Variants in RNF180 observed in about 807,000 individuals in gnomAD.
The protein encoded by RNF180 is E3 ubiquitin-protein ligase RNF180.
A neutral mutation model predicts 59.2 loss-of-function variants in RNF180; 38 were observed. That is an observed-to-expected ratio of 0.64 (90% confidence interval 0.50 to 0.84). RNF180 has a LOEUF of 0.84. Ranked by LOEUF, RNF180 falls within the 40% of genes least tolerant of loss-of-function variation. RNF180 has a pLI of 0.00. For missense variants in RNF180, 705 were observed against 700.9 expected, an observed-to-expected ratio of 1.01 and a Z score of -0.07; for synonymous variants, 262 against 240.3, an observed-to-expected ratio of 1.09 and a Z score of -0.84.
chr5:64,235,086 T>C (rs958885715), intron 5 of RNF180, among the ~76,000 whole-genome samples: 7 of 152,198 alleles, frequency 4.6e-5, no homozygotes, highest in African/African-American at 1.7e-4. Context: ...AGACCAGCCC[T>C]GGCCATGTAC....
chr5:64,256,767 C>T (rs1474542046), intron 5 of RNF180, among the ~76,000 whole-genome samples: 4 of 152,144 alleles, frequency 2.6e-5, no homozygotes, highest in Non-Finnish European at 4.4e-5. Context: ...ATGGGGATGA[C>T]ATTGAATCTA....
chr5:64,265,847 T>C (rs532781297), intron 5 of RNF180, among the ~76,000 whole-genome samples: 3 of 152,298 alleles, frequency 2.0e-5, no homozygotes, highest in African/African-American at 7.2e-5. Context: ...ATTCTTTCTA[T>C]CCATGAGGAT....
intron 5 of RNF180, among the ~76,000 whole-genome samples, chr5:64,302,351 A>T (rs569498397): frequency 1.3e-5 from 2 of 151,614 alleles, no homozygotes; most frequent in Admixed American, 1.3e-4. Context: ...TTTAGTTCGG[A>T]TTCTGTTCTC....
At chr5:64,281,234 A>ACAGTTT (rs1741994246) in intron 5 of RNF180, among the ~76,000 whole-genome samples, 1 of 152,178 alleles carries the variant, frequency 6.6e-6, no homozygotes, top group Non-Finnish European at 1.5e-5. Flanking sequence ...TGTATATAAA[A>ACAGTTT]TCATATCATC....
At chr5:64,175,037 G>C (rs536962049) in intron 1 of RNF180, among the ~76,000 whole-genome samples, 1 of 136,242 alleles carries the variant, frequency 7.3e-6, no homozygotes, top group East Asian at 2.2e-4. Context: ...GTGCAATCTC[G>C]GCTCACTGCA....
chr5:64,225,799 G>C (rs1365634109), intron 5 of RNF180, among the ~76,000 whole-genome samples: 2 of 142,682 alleles, frequency 1.4e-5, no homozygotes, highest in African/African-American at 5.3e-5. Context: ...CTTTGGCTGG[G>C]AGGTGAGGAG....
Position 64,280,576 on chromosome 5 carries a change from G to T in RNF180, c.1228-44610G>T, listed in dbSNP as rs549889987. On this transcript the variant is annotated intron_variant, in intron 5 of 7. Coordinates refer to ENST00000389100, the MANE Select transcript of RNF180 (RefSeq NM_001113561.2). ...TTGAATAGGGAGTCTTTTCCTCATTGTTTTTTTTTTGTCGACTTTGTTGAA... is the reference window on the plus strand; with the variant it reads ...TTGAATAGGGAGTCTTTTCCTCATTTTTTTTTTTTTGTCGACTTTGTTGAA... Among the ~76,000 whole-genome samples the T allele has an allele frequency of 1.7e-4, 25 of 147,118 alleles. No homozygotes were observed. In the South Asian group the frequency reaches 4.7e-3, roughly 28 times the overall value.
At chr5:64,247,139 A>C (rs1051081316) in intron 5 of RNF180, among the ~76,000 whole-genome samples, 8 of 152,306 alleles carry the variant, frequency 5.3e-5, no homozygotes, top group African/African-American at 1.9e-4. Flanking sequence ...ATTTATGACA[A>C]ACCCACAGCC....
chr5:64,264,139 T>C (rs556272244), intron 5 of RNF180, among the ~76,000 whole-genome samples: 10 of 152,266 alleles, frequency 6.6e-5, no homozygotes, highest in Admixed American at 3.3e-4. Context: ...TCTCCTCTCT[T>C]TTCCCTTATT....
chr5:64,180,405 G>A (rs1323622716), intron 1 of RNF180, among the ~76,000 whole-genome samples: 2 of 152,106 alleles, frequency 1.3e-5, no homozygotes, highest in African/African-American at 4.8e-5. Context: ...TAAAATTTGT[G>A]TAAAATTATG....
intron 5 of RNF180, among the ~76,000 whole-genome samples, chr5:64,226,835 TAAG>T (rs1741792349): frequency 6.6e-6 from 1 of 152,160 alleles, no homozygotes; most frequent in African/African-American, 2.4e-5. Context: ...AAGAATGTAA[TAAG>T]CATCATCGAT....
At chr5:64,310,660 G>A (rs149254946) in intron 5 of RNF180, among the ~76,000 whole-genome samples, 223 of 151,866 alleles carry the variant, frequency 1.5e-3, no homozygotes, top group African/African-American at 4.7e-3. Context: ...GTCCTAATTA[G>A]CACATAGTTC....
chr5:64,365,490 A>G (rs1746411360), intron 7 of RNF180, among the ~76,000 whole-genome samples: 1 of 151,358 alleles, frequency 6.6e-6, no homozygotes, highest in Non-Finnish European at 1.5e-5. Context: ...TTGGGGGTTG[A>G]GAGTTCTGTC....
At chr5:64,291,887 G>A (rs922835915) in intron 5 of RNF180, among the ~76,000 whole-genome samples, 1 of 151,996 alleles carries the variant, frequency 6.6e-6, no homozygotes, top group Non-Finnish European at 1.5e-5. Flanking sequence ...ATTTCAGAAA[G>A]ACAGTCTTCA....
intron 5 of RNF180, among the ~76,000 whole-genome samples, chr5:64,238,323 A>C (rs934059295): frequency 3.9e-5 from 6 of 152,212 alleles, no homozygotes; most frequent in Non-Finnish European, 7.3e-5. Context: ...TATCTATTTG[A>C]GATCCTGATT....
chr5:64,276,532 A>T (rs1030672643), intron 5 of RNF180, among the ~76,000 whole-genome samples: 1 of 152,052 alleles, frequency 6.6e-6, no homozygotes, highest in Non-Finnish European at 1.5e-5. Flanking sequence ...GTGACTGAAG[A>T]TTTAACAGAT....
chr5:64,291,648 C>T (rs975559385), intron 5 of RNF180, among the ~76,000 whole-genome samples: 4 of 151,774 alleles, frequency 2.6e-5, no homozygotes, highest in South Asian at 2.1e-4. Context: ...AGAATGGTCT[C>T]GATCTCCTGA....
intron 5 of RNF180, among the ~76,000 whole-genome samples, chr5:64,280,626 CT>C (rs1741963088): frequency 6.6e-6 from 1 of 151,516 alleles, no homozygotes; most frequent in South Asian, 2.1e-4. Context: ...AGGTGTGCAG[CT>C]TTTTTCTGGT....
chr5:64,352,669 A>G (rs1745865332), intron 7 of RNF180, among the ~76,000 whole-genome samples: 1 of 152,018 alleles, frequency 6.6e-6, no homozygotes, highest in Admixed American at 6.6e-5. Context: ...TTAAAGTAAG[A>G]TATATTTGTG....
Sources: gnomAD v4.1 joint callset for allele counts (sites outside exome capture counted in the v4.1 genomes callset) on GRCh38, gnomAD v4.1.1 for gene constraint, MANE v1.5 for transcripts, NCBI Gene and HGNC (gene_info 2026-07-23, HGNC 2026-07-21) for gene names.